Variants in CAMKMT observed in about 807,000 individuals in gnomAD.
CAMKMT encodes the protein calmodulin-lysine N-methyltransferase.
CAMKMT carries 53 observed loss-of-function variants against 48.0 expected under a neutral mutation model. The observed-to-expected ratio is 1.10, with a 90% CI of 0.89 to 1.39. The LOEUF (loss-of-function observed/expected upper bound fraction) is 1.39. Ranked by LOEUF, CAMKMT falls within the 40% of genes most tolerant of loss-of-function variation. CAMKMT has a pLI of 0.00. For missense variants in CAMKMT, 428 were observed against 402.7 expected (o/e 1.06, Z -0.54); for synonymous variants, 165 against 152.3 (o/e 1.08, Z -0.61).
intron 3 of CAMKMT, among the ~76,000 whole-genome samples, chr2:44,641,950 A>G (rs1324344171): frequency 6.6e-6 from 1 of 152,214 alleles, no homozygotes; most frequent in African/African-American, 2.4e-5. Context: ...ATTTCCCAGC[A>G]TCTACTGAGC....
rs555349303 is a variant in CAMKMT, at chr2:44,741,360, G to T, written c.624-2262G>T. Among the ~76,000 whole-genome samples, 4 of 152,326 alleles carry T rather than the reference G, an allele frequency of 2.6e-5. No homozygotes were observed. The South Asian group carries it at 8.3e-4, about 32-fold the overall frequency. On this transcript the variant is annotated intron_variant, in intron 7 of 10. Transcript: ENST00000378494. ...CTCTAGTCTTCCAAGATAGCAGGCT[G>T]CCTGACTGCACAGCTCCAGGAAGCA...
At chr2:44,479,780 C>G (rs568409243) in intron 3 of CAMKMT, among the ~76,000 whole-genome samples, 74 of 152,116 alleles carry the variant, frequency 4.9e-4, no homozygotes, top group Non-Finnish European at 8.4e-4. Context: ...GTTTAGTTTC[C>G]CTTTTAAGAT....
intron 3 of CAMKMT, among the ~76,000 whole-genome samples, chr2:44,509,575 A>G (rs1308888388): frequency 6.6e-6 from 1 of 152,082 alleles, no homozygotes; most frequent in African/African-American, 2.4e-5. Context: ...CCTCCTGAAT[A>G]AAAGTTTTAA....
intron 7 of CAMKMT, among the ~76,000 whole-genome samples, chr2:44,738,048 GTTTCACCATCTTGGCTAGCCC>G (rs1198357929): frequency 6.6e-6 from 1 of 151,790 alleles, no homozygotes; most frequent in East Asian, 1.9e-4. Flanking sequence ...TGGAGACGGG[GTTTCACCATCTTGGCTAGCCC>G]AGTCTCAAAC....
intron 3 of CAMKMT, among the ~76,000 whole-genome samples, chr2:44,656,124 A>T (rs951858718): frequency 1.3e-5 from 2 of 152,218 alleles, no homozygotes; most frequent in African/African-American, 2.4e-5. Context: ...TTGTGAAAAG[A>T]GCTCTTTCTG....
At chr2:44,650,909 C>T (rs1674022361) in intron 3 of CAMKMT, among the ~76,000 whole-genome samples, 1 of 151,320 alleles carries the variant, frequency 6.6e-6, no homozygotes, top group South Asian at 2.1e-4. Flanking sequence ...ATAATTCAGA[C>T]AATAGACATG....
At chr2:44,505,983 C>G (rs977664209) in intron 3 of CAMKMT, among the ~76,000 whole-genome samples, 1 of 152,000 alleles carries the variant, frequency 6.6e-6, no homozygotes, top group African/African-American at 2.4e-5. Context: ...CCTCCCAGCT[C>G]AGCCTCCCAA....
intron 3 of CAMKMT, among the ~76,000 whole-genome samples, chr2:44,572,988 G>T (rs914424185): frequency 1.3e-5 from 2 of 152,094 alleles, no homozygotes; most frequent in Non-Finnish European, 2.9e-5. Context: ...TTCATGTGCT[G>T]TTTGGCCGTC....
intron 3 of CAMKMT, among the ~76,000 whole-genome samples, chr2:44,407,675 G>T (rs1364894274): frequency 1.3e-5 from 2 of 152,198 alleles, no homozygotes; most frequent in Non-Finnish European, 2.9e-5. Flanking sequence ...ATTTAATGCA[G>T]AAGATATGGG....
At position 44,467,269 on chromosome 2, in the gene CAMKMT, C is replaced by T. The variant is rs957599047; in HGVS notation, c.376+76964C>T. 8.5e-5 allele frequency among the ~76,000 whole-genome samples: 13 copies of T among 152,172 alleles called. 1 individual carries two copies. The highest frequency in any genetic ancestry group is 2.6e-4 in the African/African-American group (11 of 41,554). On this transcript the variant is annotated intron_variant, in intron 3 of 10. Coordinates refer to ENST00000378494, the MANE Select transcript of CAMKMT (RefSeq NM_024766.5). ...AAAACAAAAACAAACAGGTGGCTCACGCCTGTAATCCCAGCACTTTGGGAG... is the reference window on the plus strand; with the variant it reads ...AAAACAAAAACAAACAGGTGGCTCATGCCTGTAATCCCAGCACTTTGGGAG...
At chr2:44,696,509 C>G (rs994086093) in intron 3 of CAMKMT, among the ~76,000 whole-genome samples, 1 of 152,168 alleles carries the variant, frequency 6.6e-6, no homozygotes, top group Non-Finnish European at 1.5e-5. Context: ...GGCAACTCTT[C>G]TCCCTCTACT....
At chr2:44,481,617 TA>T (rs1668968982) in intron 3 of CAMKMT, among the ~76,000 whole-genome samples, 1 of 152,096 alleles carries the variant, frequency 6.6e-6, no homozygotes, top group South Asian at 2.1e-4. Context: ...TGTAAATTTT[TA>T]CAAAGTATTT....
chr2:44,569,203 T>A (rs538183845), intron 3 of CAMKMT, among the ~76,000 whole-genome samples: 1 of 152,290 alleles, frequency 6.6e-6, no homozygotes, highest in African/African-American at 2.4e-5. Context: ...GGTGATAATA[T>A]CATCTCACTT....
chr2:44,562,866 C>T (rs893492853), intron 3 of CAMKMT, among the ~76,000 whole-genome samples: 1 of 152,150 alleles, frequency 6.6e-6, no homozygotes, highest in African/African-American at 2.4e-5. Context: ...CGGCCCAAAG[C>T]AGTGCTCCTA....
At chr2:44,448,645 C>T (rs530490425) in intron 3 of CAMKMT, among the ~76,000 whole-genome samples, 15 of 152,254 alleles carry the variant, frequency 9.9e-5, no homozygotes, top group African/African-American at 3.4e-4. Context: ...TAAGAACACA[C>T]GTGTAAGTAA....
intron 3 of CAMKMT, among the ~76,000 whole-genome samples, chr2:44,482,922 T>C (rs1237128846): frequency 1.3e-5 from 2 of 152,166 alleles, no homozygotes; most frequent in Non-Finnish European, 2.9e-5. Context: ...TTCTGAGCCA[T>C]GGGCATGTAC....
chr2:44,616,777 A>T (rs982763983), intron 3 of CAMKMT, among the ~76,000 whole-genome samples: 1 of 152,096 alleles, frequency 6.6e-6, no homozygotes, highest in East Asian at 1.9e-4. Flanking sequence ...GGAGTTAAAA[A>T]CCTTGATCTA....
At chr2:44,525,964 C>T (rs1005361632) in intron 3 of CAMKMT, among the ~76,000 whole-genome samples, 1 of 152,054 alleles carries the variant, frequency 6.6e-6, no homozygotes, top group Non-Finnish European at 1.5e-5. Flanking sequence ...CCCATTAACT[C>T]GTCATTTAGC....
At chr2:44,708,809 A>C (rs1237191229) in intron 6 of CAMKMT, among the ~76,000 whole-genome samples, 1 of 151,964 alleles carries the variant, frequency 6.6e-6, no homozygotes, top group Non-Finnish European at 1.5e-5. Context: ...AGCCCCAGAG[A>C]ATTTTTAGAG....
Sources: gnomAD v4.1 joint callset for allele counts (sites outside exome capture counted in the v4.1 genomes callset) on GRCh38, gnomAD v4.1.1 for gene constraint, MANE v1.5 for transcripts, NCBI Gene and HGNC (gene_info 2026-07-23, HGNC 2026-07-21) for gene names.